Variants in NTNG1 observed in about 807,000 individuals in gnomAD.
NTNG1 encodes the protein netrin G1, also known as netrin-G1.
NTNG1 carries 16 observed loss-of-function variants against 54.0 expected under a neutral mutation model. The ratio of observed to expected loss-of-function variants is 0.30; its 90% CI spans 0.20 to 0.45. The LOEUF is 0.45. NTNG1 is among the 20% of genes least tolerant of loss of function. The pLI, the probability that NTNG1 is intolerant of heterozygous loss-of-function variation, is 1.00. For synonymous variants in NTNG1, 255 were observed against 263.1 expected (o/e 0.97, Z 0.30); for missense variants, 530 against 678.7 (o/e 0.78, Z 2.43).
Position 107,395,228 on chromosome 1 carries a change from C to G in NTNG1, c.962C>G (p.Thr321Ser). 1 of 1,613,550 alleles carries G rather than the reference C, an allele frequency of 6.2e-7. No homozygotes were observed. Among genetic ancestry groups the G allele is most frequent in the Non-Finnish European group, 8.5e-7 (1 of 1,179,586 alleles). ...SKLTCECEHN[T>S]TGPDCGKCKK... ...TTGACATGCGAATGTGAGCACAACA[C>G]TACAGGTCCAGACTGTGGGAAATGC... The change falls in exon 4 of 8, where the codon ACT becomes AGT. Residue 321 changes from threonine (T) to serine (S), a missense_variant. Around this residue, in one of 2 missense-constraint regions of NTNG1, gnomAD observed 318 missense variants for 465.1 expected, o/e 0.68. Transcript: ENST00000370068.
chr1:107,282,663 C>A (rs1664939647), intron 2 of NTNG1, among the ~76,000 whole-genome samples: 1 of 152,074 alleles, frequency 6.6e-6, no homozygotes, highest in Non-Finnish European at 1.5e-5. Context: ...TGATGCTAAT[C>A]CACCCTTGGT....
At chr1:107,274,238 A>G (rs995333874) in intron 2 of NTNG1, among the ~76,000 whole-genome samples, 2 of 152,234 alleles carry the variant, frequency 1.3e-5, no homozygotes, top group Non-Finnish European at 2.9e-5. Context: ...GAAAAAAAGT[A>G]ACATGATGAC....
chr1:107,360,086 A>G (rs946855186), intron 3 of NTNG1, among the ~76,000 whole-genome samples: 23 of 152,320 alleles, frequency 1.5e-4, no homozygotes, highest in African/African-American at 5.5e-4. Flanking sequence ...GGGTCTGCTT[A>G]CCTGCCTGAC....
intron 3 of NTNG1, among the ~76,000 whole-genome samples, chr1:107,364,583 C>T (rs1197968972): frequency 6.6e-6 from 1 of 152,172 alleles, no homozygotes; most frequent in African/African-American, 2.4e-5. Flanking sequence ...CTCAGAAGGG[C>T]CTGGGGTACT....
intron 2 of NTNG1, among the ~76,000 whole-genome samples, chr1:107,246,122 G>A (rs182185728): frequency 2.3e-4 from 35 of 152,136 alleles, no homozygotes; most frequent in African/African-American, 7.0e-4. Flanking sequence ...TGTGATCTCC[G>A]CTCACTGCAA....
chr1:107,378,840 C>A (rs1272014599), intron 3 of NTNG1, among the ~76,000 whole-genome samples: 1 of 152,158 alleles, frequency 6.6e-6, no homozygotes, highest in African/African-American at 2.4e-5. Flanking sequence ...AGGGTCCTGA[C>A]ACCAATCAAT....
At chr1:107,245,135 C>G (rs1363064827) in intron 2 of NTNG1, among the ~76,000 whole-genome samples, 2 of 152,110 alleles carry the variant, frequency 1.3e-5, no homozygotes, top group Non-Finnish European at 2.9e-5. Flanking sequence ...GGGGGAGGGA[C>G]AGCGGCAGGA....
At chr1:107,329,142 C>G (rs1272237616) in intron 3 of NTNG1, 1 of 152,142 alleles carries the variant, frequency 6.6e-6, no homozygotes, top group African/African-American at 2.4e-5. Context: ...CATTGTTTAC[C>G]TCCAAGAAAG....
chr1:107,183,611 G>A (rs932261996), intron 2 of NTNG1, among the ~76,000 whole-genome samples: 10 of 152,156 alleles, frequency 6.6e-5, no homozygotes, highest in Middle Eastern at 3.4e-3. Context: ...GGAGGACATC[G>A]AGCTTTTGTT....
chr1:107,397,429 TTAG>T (rs1417644966), intron 4 of NTNG1, among the ~76,000 whole-genome samples: 48 of 152,126 alleles, frequency 3.2e-4, no homozygotes, highest in Non-Finnish European at 1.2e-4. Context: ...AGTAAGCAGT[TTAG>T]TAGTTTAGTG....
At chr1:107,407,074 C>A (rs2101142041) in intron 4 of NTNG1, among the ~76,000 whole-genome samples, 1 of 152,254 alleles carries the variant, frequency 6.6e-6, no homozygotes, top group East Asian at 1.9e-4. Context: ...ATATGCACAA[C>A]CTAATGTATT....
chr1:107,277,125 G>A (rs1664531918), intron 2 of NTNG1, among the ~76,000 whole-genome samples: 1 of 152,148 alleles, frequency 6.6e-6, no homozygotes, highest in Non-Finnish European at 1.5e-5. Context: ...ACAGCCAATC[G>A]GGAATCTTCC....
At chr1:107,284,149 C>T (rs1392491218) in intron 2 of NTNG1, among the ~76,000 whole-genome samples, 1 of 152,102 alleles carries the variant, frequency 6.6e-6, no homozygotes, top group Non-Finnish European at 1.5e-5. Flanking sequence ...AGTGTACCAT[C>T]ATAGTGGCTA....
Position 107,374,835 on chromosome 1 carries a change from G to GT in NTNG1, c.888-20310dup, listed in dbSNP as rs929427694. Among the ~76,000 whole-genome samples, 34 of 150,778 alleles carry GT rather than the reference G, an allele frequency of 2.3e-4. No individual in the cohort carries two copies. The East Asian group carries it at 3.3e-3, about 15-fold the overall frequency. Reference sequence around the variant, plus strand: ...TGTATTTTTATGAATATTCTTTAGGGTTTTTTTTTCTGTGATTTATTAAGT... The same window carrying GT: ...TGTATTTTTATGAATATTCTTTAGGGTTTTTTTTTTCTGTGATTTATTAAGT... On this transcript the variant is annotated intron_variant, in intron 3 of 7. Coordinates refer to ENST00000370068, the MANE Select transcript of NTNG1 (RefSeq NM_001113226.3).
intron 2 of NTNG1, among the ~76,000 whole-genome samples, chr1:107,253,876 TTAAC>T (rs1662768039): frequency 6.6e-6 from 1 of 152,228 alleles, no homozygotes; most frequent in Non-Finnish European, 1.5e-5. Flanking sequence ...TCTGACACCT[TTAAC>T]TATGACAACT....
At chr1:107,393,829 G>A (rs1672512084) in intron 3 of NTNG1, among the ~76,000 whole-genome samples, 1 of 152,070 alleles carries the variant, frequency 6.6e-6, no homozygotes, top group Non-Finnish European at 1.5e-5. Context: ...CATTAGAGAA[G>A]CCAACATGGT....
intron 3 of NTNG1, among the ~76,000 whole-genome samples, chr1:107,371,073 T>C (rs74359611): frequency 0.017 from 2,609 of 152,208 alleles, 92 homozygotes; most frequent in African/African-American, 0.06. Flanking sequence ...AAGCATTCTG[T>C]CTTTGACCAT....
chr1:107,407,123 T>C (rs2101142320), intron 4 of NTNG1, among the ~76,000 whole-genome samples: 1 of 152,274 alleles, frequency 6.6e-6, no homozygotes, highest in South Asian at 2.1e-4. Flanking sequence ...TATTACAGAG[T>C]TTAATCCACA....
At chr1:107,470,571 C>T (rs1296512601) in intron 7 of NTNG1, among the ~76,000 whole-genome samples, 1 of 152,192 alleles carries the variant, frequency 6.6e-6, no homozygotes, top group Non-Finnish European at 1.5e-5. Context: ...GCCTTTCATC[C>T]TGGCACAATG....
Sources: gnomAD v4.1 joint callset for allele counts (sites outside exome capture counted in the v4.1 genomes callset) on GRCh38, gnomAD v4.1.1 for gene constraint, gnomAD v4.1.1 regional missense constraint, MANE v1.5 for transcripts, NCBI Gene and HGNC (gene_info 2026-07-23, HGNC 2026-07-21) for gene names.